Variants in RABGAP1L observed in about 807,000 individuals in gnomAD.
RABGAP1L encodes RAB GTPase activating protein 1 like.
Under a neutral mutation model 137.7 loss-of-function variants are expected in RABGAP1L, and 63 were observed. That is an observed-to-expected ratio of 0.46 (90% CI 0.37 to 0.56). The LOEUF is 0.56. RABGAP1L is among the 20% of genes least tolerant of loss of function. The pLI is 0.00. For missense variants in RABGAP1L, 1,095 were observed against 1,244.0 expected (o/e 0.88, Z 1.80); for synonymous variants, 431 against 433.7 (o/e 0.99, Z 0.08).
At chr1:174,614,010 C>T (rs913553593) in intron 13 of RABGAP1L, among the ~76,000 whole-genome samples, 1 of 152,146 alleles carries the variant, frequency 6.6e-6, no homozygotes, top group East Asian at 1.9e-4. Flanking sequence ...ACTCTTTATC[C>T]AATTTGCCAG....
intron 13 of RABGAP1L, among the ~76,000 whole-genome samples, chr1:174,633,707 C>T (rs1381381008): frequency 1.5e-5 from 2 of 133,288 alleles, no homozygotes; most frequent in African/African-American, 6.3e-5. Context: ...TGGAACAGAA[C>T]AGAGCCCTCA....
chr1:174,251,640 G>C (rs1672725473), intron 6 of RABGAP1L, among the ~76,000 whole-genome samples: 1 of 152,086 alleles, frequency 6.6e-6, no homozygotes, highest in South Asian at 2.1e-4. Flanking sequence ...TCTAGCCTAG[G>C]CTAGAATTTG....
At chr1:174,834,509 CTT>C (rs1356153123) in intron 19 of RABGAP1L, among the ~76,000 whole-genome samples, 1 of 151,374 alleles carries the variant, frequency 6.6e-6, no homozygotes, top group Non-Finnish European at 1.5e-5. Context: ...AAACCATGGG[CTT>C]TAATAGATCT....
intron 19 of RABGAP1L, among the ~76,000 whole-genome samples, chr1:174,848,824 A>G (rs1647590537): frequency 6.6e-6 from 1 of 151,034 alleles, no homozygotes; most frequent in Non-Finnish European, 1.5e-5. Flanking sequence ...CCCCTCCCCC[A>G]GCTTCGCTGC....
intron 12 of RABGAP1L, among the ~76,000 whole-genome samples, chr1:174,378,716 T>G (rs1685817840): frequency 6.6e-6 from 1 of 151,240 alleles, no homozygotes; most frequent in Admixed American, 6.6e-5. Context: ...GTTGCGAAAA[T>G]TTTCTCCCAT....
At chr1:174,668,215 A>G (rs1676925547) in intron 14 of RABGAP1L, among the ~76,000 whole-genome samples, 1 of 152,120 alleles carries the variant, frequency 6.6e-6, no homozygotes, top group Non-Finnish European at 1.5e-5. Flanking sequence ...TATTCCACCT[A>G]TCTAACTATA....
chr1:174,692,499 C>A (rs1285322819), intron 15 of RABGAP1L, among the ~76,000 whole-genome samples: 1 of 152,160 alleles, frequency 6.6e-6, no homozygotes, highest in Non-Finnish European at 1.5e-5. Flanking sequence ...AACCTTGAAA[C>A]TGCAGTTTGT....
At chr1:174,485,254 T>A (rs1659514363) in intron 13 of RABGAP1L, among the ~76,000 whole-genome samples, 1 of 152,348 alleles carries the variant, frequency 6.6e-6, no homozygotes, top group South Asian at 2.1e-4. Flanking sequence ...AGTCTTTAGT[T>A]TTTTCAAATG....
intron 13 of RABGAP1L, among the ~76,000 whole-genome samples, chr1:174,502,709 C>CAT (rs1018750621): frequency 4.8e-5 from 7 of 146,778 alleles, no homozygotes; most frequent in South Asian, 2.2e-4. Flanking sequence ...CATATATGTG[C>CAT]ATATATATAC....
Position 174,878,372 on chromosome 1 carries a change from A to G in RABGAP1L, c.2340+66412A>G, listed in dbSNP as rs1381271804. ...CTCCCTAGTAGCTGGGATTACAGGC[A>G]TGCGCCACCATGCCTGGCTAATTTT... On this transcript the variant is annotated intron_variant, in intron 19 of 25. Transcript: ENST00000681986. Among the ~76,000 whole-genome samples the G allele has an allele frequency of 2.6e-5, 4 of 152,036 alleles. No individual in the cohort carries two copies. In the East Asian group the frequency reaches 7.7e-4, roughly 29 times the overall value.
chr1:174,373,774 A>G (rs548237713), intron 12 of RABGAP1L, among the ~76,000 whole-genome samples: 71 of 152,298 alleles, frequency 4.7e-4, no homozygotes, highest in Non-Finnish European at 6.3e-4. Context: ...ACTATTACTC[A>G]TGGGCAGAAC....
chr1:174,348,790 A>T (rs1571332473), intron 11 of RABGAP1L, among the ~76,000 whole-genome samples: 1 of 151,406 alleles, frequency 6.6e-6, no homozygotes, highest in Admixed American at 6.6e-5. Context: ...GTCACAGATC[A>T]ACAGGATCCC....
intron 18 of RABGAP1L, among the ~76,000 whole-genome samples, chr1:174,783,332 A>G (rs1558074166): frequency 6.6e-6 from 1 of 152,164 alleles, no homozygotes; most frequent in East Asian, 1.9e-4. Flanking sequence ...CCAAGGTTCC[A>G]TTCCTTGGAA....
intron 13 of RABGAP1L, among the ~76,000 whole-genome samples, chr1:174,432,564 A>T (rs1652765277): frequency 6.6e-6 from 1 of 152,062 alleles, no homozygotes; most frequent in South Asian, 2.1e-4. Context: ...TTTGAGAAGG[A>T]GTCTCTCACT....
At chr1:174,676,953 G>A (rs191386208) in intron 14 of RABGAP1L, among the ~76,000 whole-genome samples, 4 of 152,190 alleles carry the variant, frequency 2.6e-5, no homozygotes, top group Admixed American at 2.6e-4. Context: ...GATGGTTTAT[G>A]TTAAAGTTGG....
At chr1:174,189,851 A>G (rs1389558806) in intron 1 of RABGAP1L, among the ~76,000 whole-genome samples, 2 of 152,202 alleles carry the variant, frequency 1.3e-5, no homozygotes, top group Non-Finnish European at 2.9e-5. Context: ...GTGTGCCTGT[A>G]GTGCCACCTG....
At chr1:174,260,043 C>G (rs1673456511) in intron 7 of RABGAP1L, among the ~76,000 whole-genome samples, 1 of 152,134 alleles carries the variant, frequency 6.6e-6, no homozygotes, top group South Asian at 2.1e-4. Flanking sequence ...CCATATTGGT[C>G]AGGCTGGTCT....
At chr1:174,498,516 A>G (rs1660948182) in intron 13 of RABGAP1L, among the ~76,000 whole-genome samples, 1 of 151,676 alleles carries the variant, frequency 6.6e-6, no homozygotes, top group Non-Finnish European at 1.5e-5. Flanking sequence ...TATTTTTTTG[A>G]GAGAGTTTTG....
intron 18 of RABGAP1L, chr1:174,757,135 T>C: frequency 2.3e-6 from 1 of 440,516 alleles, no homozygotes. Context: ...TCAGGTTTAA[T>C]TGTCAGCTTC....
Sources: gnomAD v4.1 joint callset for allele counts (sites outside exome capture counted in the v4.1 genomes callset) on GRCh38, gnomAD v4.1.1 for gene constraint, MANE v1.5 for transcripts, NCBI Gene and HGNC (gene_info 2026-07-23, HGNC 2026-07-21) for gene names.